The following ANKRD17 variants were observed in gnomAD, a reference collection of about 807,000 sequenced individuals.
The protein encoded by ANKRD17 is ankyrin repeat domain-containing protein 17.
ANKRD17 carries 19 observed loss-of-function variants against 229.7 expected under a neutral mutation model. The observed-to-expected ratio is 0.08, with a 90% CI of 0.06 to 0.12. The LOEUF (loss-of-function observed/expected upper bound fraction) is 0.12, where lower values mean the gene tolerates loss of function less well. Ranked by LOEUF, ANKRD17 falls within the 10% of genes least tolerant of loss-of-function variation. The pLI, the probability that ANKRD17 is intolerant of heterozygous loss-of-function variation, is 1.00. For missense variants in ANKRD17, 2,176 were observed against 3,176.8 expected, an observed-to-expected ratio of 0.68 and a Z score of 7.57; for synonymous variants, 1,112 against 1,146.1, an observed-to-expected ratio of 0.97 and a Z score of 0.60.
intron 25 of ANKRD17, among the ~76,000 whole-genome samples, chr4:73,102,025 C>T (rs1724065822): frequency 6.6e-6 from 1 of 152,058 alleles, no homozygotes; most frequent in Admixed American, 6.6e-5. Flanking sequence ...CTCAACCTCC[C>T]AGGCTGAAGT....
At chr4:73,179,488 G>GTATATATATATA (rs1169079744) in intron 1 of ANKRD17, among the ~76,000 whole-genome samples, 13 of 48,214 alleles carry the variant, frequency 2.7e-4, no homozygotes, top group African/African-American at 1.1e-3. Flanking sequence ...GTGTGTGTGT[G>GTATATATATATA]TATATATATA....
chr4:73,172,455 G>A (rs1041899132), intron 2 of ANKRD17, among the ~76,000 whole-genome samples: 5 of 152,132 alleles, frequency 3.3e-5, no homozygotes, highest in African/African-American at 9.7e-5. Context: ...ATGTTAATGA[G>A]CAAAAAGAAA....
intron 27 of ANKRD17, among the ~76,000 whole-genome samples, chr4:73,094,976 G>C (rs1723146833): frequency 6.6e-6 from 1 of 151,928 alleles, no homozygotes; most frequent in African/African-American, 2.4e-5. Context: ...TTCGAGACCA[G>C]CCTGGCCAAC....
At chr4:73,108,604 T>C (rs1301189889) in intron 24 of ANKRD17, among the ~76,000 whole-genome samples, 1 of 152,034 alleles carries the variant, frequency 6.6e-6, no homozygotes, top group Non-Finnish European at 1.5e-5. Context: ...TTCAGTAAGA[T>C]AAAAGATGGA....
At chr4:73,255,775 C>A (rs1019990511) in intron 1 of ANKRD17, among the ~76,000 whole-genome samples, 88 of 151,804 alleles carry the variant, frequency 5.8e-4, no homozygotes, top group African/African-American at 2.1e-3. Context: ...CCAGGCTGGA[C>A]TGCAATGGTG....
intron 1 of ANKRD17, among the ~76,000 whole-genome samples, chr4:73,219,368 C>T (rs1741559187): frequency 6.6e-6 from 1 of 152,034 alleles, no homozygotes; most frequent in Admixed American, 6.6e-5. Context: ...AAAAAGTCTA[C>T]CACATGGAGA....
intron 16 of ANKRD17, among the ~76,000 whole-genome samples, chr4:73,130,809 C>T (rs140254613): frequency 3.5e-3 from 537 of 152,000 alleles, no homozygotes; most frequent in Middle Eastern, 0.01. Context: ...CTCCTAGAAT[C>T]GATCATATTT....
chr4:73,108,610 A>G (rs1560527113), intron 24 of ANKRD17, among the ~76,000 whole-genome samples: 1 of 152,178 alleles, frequency 6.6e-6, no homozygotes, highest in Non-Finnish European at 1.5e-5. Context: ...AAGATAAAAG[A>G]TGGAGAGGAG....
chr4:73,140,128 C>A lies in ANKRD17; in HGVS notation c.2488G>T (p.Ala830Ser), dbSNP rs1729423112. 3.1e-6 allele frequency: 5 copies of A among 1,614,038 alleles called. No homozygotes were observed. The highest frequency in any genetic ancestry group is 4.2e-6 in the Non-Finnish European group (5 of 1,180,038). ...QRIKEAIEKNAQLQSLELAHA... is the reference protein window; with the variant it reads ...QRIKEAIEKNSQLQSLELAHA... ...GCCAGTTCCAAGGACTGCAGCTGTG[C>A]ATTCTTTTCTATGGCTTCTTTTATC... Residue 830 changes from alanine (A) to serine (S), a missense_variant, in exon 15 of 34, where the codon GCA becomes TCA. Ala to Ser is a moderately conservative substitution (Grantham distance 99). Around this residue, in one of 18 missense-constraint regions of ANKRD17, gnomAD observed 275 missense variants for 386.9 expected, o/e 0.71. Transcript: ENST00000358602.
intron 25 of ANKRD17, among the ~76,000 whole-genome samples, chr4:73,099,408 G>A (rs773003249): frequency 1.3e-5 from 2 of 152,040 alleles, no homozygotes; most frequent in African/African-American, 4.8e-5. Context: ...ACATACACAC[G>A]TACCCTCCTG....
Position 73,097,284 on chromosome 4 carries a change from A to C in ANKRD17, c.5022-12T>G. ...TAGTTTCTGACAATCTTTAACAAAG[A>C]GAGGGAAAGTACATTAAATATGGAA... is the stretch of plus-strand genomic sequence containing the variant. On this transcript the variant is annotated splice_polypyrimidine_tract_variant and intron_variant, in intron 26 of 33. Transcript: ENST00000358602. 1 of 1,569,284 alleles carries C rather than the reference A, an allele frequency of 6.4e-7. No homozygotes were observed. Among genetic ancestry groups the C allele is most frequent in the Non-Finnish European group, 8.6e-7 (1 of 1,162,042 alleles).
chr4:73,257,937 G>A (rs1745609040), intron 1 of ANKRD17, among the ~76,000 whole-genome samples: 1 of 151,980 alleles, frequency 6.6e-6, no homozygotes, highest in South Asian at 2.1e-4. Context: ...GACTAAGGTG[G>A]CCCTACTGGC....
chr4:73,152,960 T>TA (rs1731194621), intron 6 of ANKRD17, among the ~76,000 whole-genome samples: 1 of 152,190 alleles, frequency 6.6e-6, no homozygotes, highest in African/African-American at 2.4e-5. Flanking sequence ...AATCCAAATA[T>TA]ATAAGGATTA....
intron 1 of ANKRD17, among the ~76,000 whole-genome samples, chr4:73,204,230 G>C (rs902345014): frequency 1.3e-5 from 2 of 151,092 alleles, no homozygotes; most frequent in Non-Finnish European, 3.0e-5. Flanking sequence ...GCGTGGTGGC[G>C]GGCTCCTGTA....
At chr4:73,088,299 T>C (rs1722411412) in intron 29 of ANKRD17, among the ~76,000 whole-genome samples, 2 of 152,120 alleles carry the variant, frequency 1.3e-5, no homozygotes, top group Non-Finnish European at 2.9e-5. Flanking sequence ...TAAAAGGACA[T>C]ACTTCCTATG....
chr4:73,086,317 TG>T (rs1484997025), intron 29 of ANKRD17, among the ~76,000 whole-genome samples: 1 of 152,086 alleles, frequency 6.6e-6, no homozygotes, highest in Non-Finnish European at 1.5e-5. Flanking sequence ...TGTGTATTTG[TG>T]AGAGAGAAAA....
intron 1 of ANKRD17, among the ~76,000 whole-genome samples, chr4:73,227,107 A>G (rs937567294): frequency 6.6e-6 from 1 of 152,098 alleles, no homozygotes; most frequent in South Asian, 2.1e-4. Flanking sequence ...AAATTTATAC[A>G]TATTTGTCTA....
intron 1 of ANKRD17, among the ~76,000 whole-genome samples, chr4:73,199,958 G>A (rs1738428617): frequency 6.6e-6 from 1 of 152,080 alleles, no homozygotes; most frequent in Non-Finnish European, 1.5e-5. Flanking sequence ...CAAATTTCAT[G>A]TGAATTCTGT....
chr4:73,200,992 G>GC (rs1553935291), intron 1 of ANKRD17, among the ~76,000 whole-genome samples: 1 of 108,616 alleles, frequency 9.2e-6, no homozygotes, highest in Admixed American at 1.1e-4. Flanking sequence ...ATGGGCGGGG[G>GC]GGGGGGGAGA....
Sources: gnomAD v4.1 joint callset for allele counts (sites outside exome capture counted in the v4.1 genomes callset) on GRCh38, gnomAD v4.1.1 for gene constraint, gnomAD v4.1.1 regional missense constraint, MANE v1.5 for transcripts, NCBI Gene and HGNC (gene_info 2026-07-23, HGNC 2026-07-21) for gene names.